The following SNTG2 variants were observed in gnomAD, a reference collection of about 807,000 sequenced individuals.
The protein encoded by SNTG2 is gamma-2-syntrophin.
SNTG2 carries 74 observed loss-of-function variants against 70.9 expected under a neutral mutation model. The observed-to-expected ratio is 1.04, with a 90% CI of 0.86 to 1.27. SNTG2 has a LOEUF of 1.27. Ranked by LOEUF, SNTG2 falls within the 50% of genes most tolerant of loss-of-function variation. SNTG2 has a pLI of 0.00. For synonymous variants in SNTG2, 278 were observed against 273.8 expected (o/e 1.02, Z -0.15); for missense variants, 717 against 690.7 (o/e 1.04, Z -0.43).
intron 13 of SNTG2, among the ~76,000 whole-genome samples, chr2:1,264,831 G>A (rs781495197): frequency 6.6e-6 from 1 of 152,152 alleles, no homozygotes; most frequent in Non-Finnish European, 1.5e-5. Context: ...AATTAGTTGT[G>A]ATTACAGGTG....
chr2:1,200,123 C>G (rs1282551656), intron 8 of SNTG2, among the ~76,000 whole-genome samples: 7 of 151,798 alleles, frequency 4.6e-5, no homozygotes, highest in African/African-American at 1.7e-4. Context: ...AAATACACTA[C>G]AGAGCTATAG....
chr2:1,105,560 C>T (rs764233744), intron 4 of SNTG2, among the ~76,000 whole-genome samples: 92 of 152,266 alleles, frequency 6.0e-4, no homozygotes, highest in Non-Finnish European at 1.1e-3. Flanking sequence ...TGTTTTAATA[C>T]CTAAAATCAC....
At chr2:1,047,664 T>C (rs930964476) in intron 1 of SNTG2, among the ~76,000 whole-genome samples, 9 of 152,222 alleles carry the variant, frequency 5.9e-5, no homozygotes, top group African/African-American at 2.2e-4. Flanking sequence ...TGGGCTGCAA[T>C]CTAGTAGGTG....
intron 4 of SNTG2, among the ~76,000 whole-genome samples, chr2:1,134,157 T>C (rs910080672): frequency 2.6e-5 from 4 of 152,162 alleles, no homozygotes; most frequent in East Asian, 3.9e-4. Flanking sequence ...CGGTGAGTGT[T>C]ACAGCTCATA....
chr2:1,046,767 TTC>T (rs147108829), intron 1 of SNTG2, among the ~76,000 whole-genome samples: 1 of 152,080 alleles, frequency 6.6e-6, no homozygotes, highest in Non-Finnish European at 1.5e-5. Flanking sequence ...GATCTTCCTC[TTC>T]TCTCTCTCTG....
intron 9 of SNTG2, among the ~76,000 whole-genome samples, chr2:1,222,067 C>G (rs1553362179): frequency 3.8e-4 from 5 of 13,010 alleles, no homozygotes; most frequent in African/African-American, 5.0e-4. Context: ...GTCTCTGTTT[C>G]TCTCTGTCTC....
chr2:1,006,418 T>C (rs4586666), intron 1 of SNTG2, among the ~76,000 whole-genome samples: 13,597 of 145,710 alleles, frequency 0.093, 810 homozygotes, highest in South Asian at 0.21. Context: ...AAAAAGAAAA[T>C]TCTATTAATA....
In SNTG2 at chr2:950,981, A is replaced by C; in HGVS notation, c.-16A>C. On this transcript the variant is annotated 5_prime_UTR_variant, in exon 1 of 17. Transcript: ENST00000308624. ...CTCGGCCGGCCCGGAGCGCGGACCC[A>C]GCCGCAGGGGCGGCGATGGGCACCG... 1.6e-6 allele frequency: 2 copies of C among 1,228,792 alleles called. No homozygotes were observed. The highest frequency in any genetic ancestry group is 3.1e-4 in the Middle Eastern group (1 of 3,176). 76.1% of individuals were successfully genotyped at this position (1,228,792 alleles called of 1,614,324 possible).
At chr2:1,334,457 GA>G (rs1028048213) in intron 16 of SNTG2, among the ~76,000 whole-genome samples, 6 of 151,624 alleles carry the variant, frequency 4.0e-5, no homozygotes, top group African/African-American at 1.5e-4. Flanking sequence ...CTACCCAAAG[GA>G]AAAAAAAGTC....
chr2:1,154,289 G>A (rs1225971330), intron 6 of SNTG2, among the ~76,000 whole-genome samples: 6 of 152,160 alleles, frequency 3.9e-5, no homozygotes, highest in African/African-American at 9.7e-5. Flanking sequence ...TGGCACGGGC[G>A]TGGAGATGGC....
At chr2:1,171,091 A>G (rs1671095823) in intron 7 of SNTG2, among the ~76,000 whole-genome samples, 1 of 152,124 alleles carries the variant, frequency 6.6e-6, no homozygotes, top group Non-Finnish European at 1.5e-5. Flanking sequence ...TATTTTTGAC[A>G]CCTAATAAAA....
intron 1 of SNTG2, among the ~76,000 whole-genome samples, chr2:1,072,315 ATTTTCTTTTTCTTTTTC>A (rs1230841483): frequency 1.6e-5 from 2 of 128,972 alleles, no homozygotes; most frequent in Admixed American, 8.4e-5. Flanking sequence ...AAAGCCAGTG[ATTTTCTTTTTCTTTTTC>A]TTTTCTTTTT....
At chr2:1,060,082 C>A (rs1662713335) in intron 1 of SNTG2, among the ~76,000 whole-genome samples, 1 of 152,032 alleles carries the variant, frequency 6.6e-6, no homozygotes, top group Non-Finnish European at 1.5e-5. Context: ...AAAAATAATA[C>A]AAACTGGAAT....
chr2:1,223,566 C>T (rs1289129466), intron 9 of SNTG2, among the ~76,000 whole-genome samples: 1 of 152,224 alleles, frequency 6.6e-6, no homozygotes, highest in African/African-American at 2.4e-5. Flanking sequence ...CCTCAATTTC[C>T]TGGCACCCTC....
At chr2:979,186 TG>T (rs796458025) in intron 1 of SNTG2, among the ~76,000 whole-genome samples, 9 of 152,204 alleles carry the variant, frequency 5.9e-5, no homozygotes, top group African/African-American at 2.2e-4. Context: ...GCTTTTGGGT[TG>T]GGGGGGTATT....
intron 6 of SNTG2, among the ~76,000 whole-genome samples, chr2:1,158,793 A>T (rs62106021): frequency 1.3e-5 from 2 of 152,152 alleles, no homozygotes; most frequent in Non-Finnish European, 2.9e-5. Context: ...GTCGTTGCCA[A>T]TCGTGGTAAG....
chr2:1,355,259 G>A (rs1009395807), intron 16 of SNTG2, among the ~76,000 whole-genome samples: 6 of 152,180 alleles, frequency 3.9e-5, no homozygotes, highest in South Asian at 2.1e-4. Context: ...GAGTTCAGCC[G>A]TGTTAACGAC....
At chr2:1,360,325 C>A (rs905623035) in intron 16 of SNTG2, among the ~76,000 whole-genome samples, 4 of 152,184 alleles carry the variant, frequency 2.6e-5, no homozygotes, top group Non-Finnish European at 5.9e-5. Flanking sequence ...GCTCCAGCCA[C>A]CGCAGCTTTG....
At chr2:1,199,556 A>C (rs1673151426) in intron 8 of SNTG2, among the ~76,000 whole-genome samples, 2 of 152,268 alleles carry the variant, frequency 1.3e-5, no homozygotes, top group South Asian at 4.1e-4. Context: ...AAAGGCATTC[A>C]CATTGAAAAA....
Sources: gnomAD v4.1 joint callset for allele counts (sites outside exome capture counted in the v4.1 genomes callset) on GRCh38, gnomAD v4.1.1 for gene constraint, MANE v1.5 for transcripts, NCBI Gene and HGNC (gene_info 2026-07-23, HGNC 2026-07-21) for gene names.